CPED1: variants seen among roughly 807,000 people sequenced by gnomAD.
CPED1 encodes cadherin-like and PC-esterase domain-containing protein 1.
Under a neutral mutation model 128.2 loss-of-function variants are expected in CPED1, and 114 were observed. The ratio of observed to expected loss-of-function variants is 0.89; its 90% confidence interval spans 0.76 to 1.04. The LOEUF (loss-of-function observed/expected upper bound fraction) is 1.04, where lower values mean the gene tolerates loss of function less well. Among genes scored for constraint, CPED1 ranks in the 50% least tolerant of loss-of-function variants. The pLI, the probability that CPED1 is intolerant of heterozygous loss-of-function variation, is 0.00. For missense variants in CPED1, 1,211 were observed against 1,207.1 expected (o/e 1.00, Z -0.05); for synonymous variants, 462 against 426.7 (o/e 1.08, Z -1.02).
chr7:121,035,849 T>TA lies in CPED1; in HGVS notation c.434-11029dup, dbSNP rs5887007. ...CCCTGTCTTAAAAAAATAATAATAA[T>TA]AAAAAAAAATAAATAAAAAGGAGGA... On this transcript the variant is annotated intron_variant, in intron 3 of 22. Transcript: ENST00000310396. Among the ~76,000 whole-genome samples, 953 of 151,092 alleles carry TA rather than the reference T, an allele frequency of 6.3e-3. 16 individuals carry two copies. Among genetic ancestry groups the TA allele is most frequent in the African/African-American group, 0.022 (907 of 41,136 alleles).
chr7:121,136,054 A>G lies in CPED1; in HGVS notation c.1663A>G (p.Ile555Val). The G allele has an allele frequency of 6.5e-7, 1 of 1,545,156 alleles. No homozygotes were observed. The highest frequency in any genetic ancestry group is 8.7e-7 in the Non-Finnish European group (1 of 1,153,828). ...TTTTTTTTTAGCTGCAGTTCCACAA[A>G]TTAAAAATGAAAATAAAGAAATACA... is the stretch of plus-strand genomic sequence containing the variant. ...IENKKAAVPQIKNENKEIHCS... is the reference protein window; with the variant it reads ...IENKKAAVPQVKNENKEIHCS... Residue 555 changes from isoleucine to valine, a missense_variant, in exon 14 of 23, where the codon ATT becomes GTT. Transcript: ENST00000310396.
At chr7:121,047,425 C>T (rs1189949523) in intron 4 of CPED1, among the ~76,000 whole-genome samples, 1 of 151,938 alleles carries the variant, frequency 6.6e-6, no homozygotes, top group Non-Finnish European at 1.5e-5. Flanking sequence ...CTCTTTATAT[C>T]GTGTGAACTT....
At chr7:121,063,902 CACTAA>C (rs1264526000) in intron 4 of CPED1, among the ~76,000 whole-genome samples, 1 of 152,062 alleles carries the variant, frequency 6.6e-6, no homozygotes, top group Non-Finnish European at 1.5e-5. Flanking sequence ...ACTGAATTGC[CACTAA>C]ATATCAAGTT....
At chr7:121,030,060 A>G (rs1792690610) in intron 3 of CPED1, among the ~76,000 whole-genome samples, 1 of 152,174 alleles carries the variant, frequency 6.6e-6, no homozygotes, top group Admixed American at 6.5e-5. Flanking sequence ...TACAAAAATA[A>G]AAGTGAAAAT....
intron 16 of CPED1, among the ~76,000 whole-genome samples, chr7:121,150,006 G>A (rs1455291052): frequency 6.6e-6 from 1 of 152,078 alleles, no homozygotes; most frequent in Non-Finnish European, 1.5e-5. Context: ...GCATAGTGAG[G>A]ATGGTGGTGA....
chr7:121,255,274 T>C (rs1458440775), intron 18 of CPED1, among the ~76,000 whole-genome samples: 1 of 152,116 alleles, frequency 6.6e-6, no homozygotes, highest in Non-Finnish European at 1.5e-5. Flanking sequence ...TCAGTAAATG[T>C]GATTCACCAC....
intron 16 of CPED1, among the ~76,000 whole-genome samples, chr7:121,222,452 T>C (rs1797903063): frequency 6.6e-6 from 1 of 152,168 alleles, no homozygotes; most frequent in Non-Finnish European, 1.5e-5. Flanking sequence ...CTTTTTTGGT[T>C]CCATATGAAT....
At chr7:121,181,812 G>C (rs914287465) in intron 16 of CPED1, among the ~76,000 whole-genome samples, 14 of 151,996 alleles carry the variant, frequency 9.2e-5, no homozygotes, top group African/African-American at 2.4e-4. Context: ...CTTTCCACAG[G>C]TCACACACCT....
chr7:121,273,537 A>C (rs766767195), intron 22 of CPED1, among the ~76,000 whole-genome samples: 1 of 151,964 alleles, frequency 6.6e-6, no homozygotes, highest in Non-Finnish European at 1.5e-5. Flanking sequence ...AAAAAAAAAA[A>C]ATCCATCTTG....
chr7:121,252,481 C>A (rs1798703175), intron 18 of CPED1, among the ~76,000 whole-genome samples: 1 of 151,506 alleles, frequency 6.6e-6, no homozygotes, highest in East Asian at 1.9e-4. Context: ...TCTAATTAAA[C>A]TAAAGAGCTT....
rs760984728 is a variant in CPED1 at position 121,271,400 on chromosome 7, A to G, written c.2838A>G (p.Leu946=). 3 of 1,612,940 alleles carry G rather than the reference A, an allele frequency of 1.9e-6. No homozygotes were observed. The highest frequency in any genetic ancestry group is 2.5e-6 in the Non-Finnish European group (3 of 1,179,236). The part of the protein sequence containing the change: ...TITMGRYKEF[L]QGKCGCHFHE... ...CAATGGGGCGTTACAAAGAGTTTCT[A>G]CAGGGGAAGTGTGGATGTCATTTCC... Residue 946 remains leucine (L), a synonymous_variant, in exon 22 of 23, where the codon CTA becomes CTG. Transcript: ENST00000310396.
At chr7:121,282,199 C>A (rs1186972668) in intron 22 of CPED1, among the ~76,000 whole-genome samples, 1 of 152,092 alleles carries the variant, frequency 6.6e-6, no homozygotes, top group Admixed American at 6.6e-5. Context: ...ATTAAGGTAA[C>A]CATGGTATAC....
intron 16 of CPED1, among the ~76,000 whole-genome samples, chr7:121,143,590 TA>T (rs556560336): frequency 4.7e-4 from 71 of 152,116 alleles, no homozygotes; most frequent in Non-Finnish European, 9.0e-4. Flanking sequence ...CAAAAATGTT[TA>T]AAAAAATAAA....
At chr7:121,103,377 G>T (rs749936077) in intron 7 of CPED1, among the ~76,000 whole-genome samples, 11 of 152,134 alleles carry the variant, frequency 7.2e-5, no homozygotes, top group Non-Finnish European at 1.3e-4. Flanking sequence ...TTCCTTACTA[G>T]TTCAAAGTTA....
intron 3 of CPED1, among the ~76,000 whole-genome samples, chr7:121,018,517 C>T (rs1431037275): frequency 6.6e-6 from 1 of 152,080 alleles, no homozygotes; most frequent in Non-Finnish European, 1.5e-5. Flanking sequence ...TGTTTACTAA[C>T]CTGCAATTTG....
intron 5 of CPED1, among the ~76,000 whole-genome samples, chr7:121,066,061 T>G (rs1169807618): frequency 6.6e-6 from 1 of 152,110 alleles, no homozygotes; most frequent in Non-Finnish European, 1.5e-5. Flanking sequence ...AAAATTTTAT[T>G]TGTTGTGAAT....
intron 4 of CPED1, chr7:121,051,007 A>G (rs1793337845): frequency 1.9e-6 from 1 of 535,828 alleles, no homozygotes; most frequent in Non-Finnish European, 3.8e-6. Flanking sequence ...AGTGGAAGCG[A>G]AGCTGAAAAA....
intron 16 of CPED1, among the ~76,000 whole-genome samples, chr7:121,158,337 C>G (rs1403208874): frequency 6.6e-6 from 1 of 152,142 alleles, no homozygotes; most frequent in African/African-American, 2.4e-5. Flanking sequence ...CATCCTCTTT[C>G]CCATGCTAAG....
At chr7:121,273,376 G>A (rs798908) in intron 22 of CPED1, among the ~76,000 whole-genome samples, 11,448 of 152,004 alleles carry the variant, frequency 0.075, 534 homozygotes, top group African/African-American at 0.09. Context: ...ACAAAAATTA[G>A]CCAGGTGTGG....
Sources: allele counts gnomAD v4.1 joint callset (sites outside exome capture counted in the v4.1 genomes callset), GRCh38; gene constraint gnomAD v4.1.1; transcripts MANE v1.5; gene names NCBI Gene and HGNC (gene_info 2026-07-23, HGNC 2026-07-21).